The following LRIG1 variants were observed in gnomAD, a reference collection of about 807,000 sequenced individuals.
LRIG1 encodes the protein leucine rich repeats and immunoglobulin like domains 1.
Under a neutral mutation model 99.2 loss-of-function variants are expected in LRIG1, and 48 were observed. The observed-to-expected ratio is 0.48, with a 90% CI of 0.38 to 0.62. The LOEUF is 0.62. Among genes scored for constraint, LRIG1 ranks in the 20% least tolerant of loss-of-function variants. The pLI is 0.00. For synonymous variants in LRIG1, 772 were observed against 596.1 expected (o/e 1.29, Z -4.30); for missense variants, 1,646 against 1,434.4 (o/e 1.15, Z -2.38).
intron 1 of LRIG1, among the ~76,000 whole-genome samples, chr3:66,476,606 C>A (rs1700728003): frequency 6.6e-6 from 1 of 152,150 alleles, no homozygotes. Flanking sequence ...ATCTGCTGGC[C>A]TCTTCCTGCG....
intron 1 of LRIG1, among the ~76,000 whole-genome samples, chr3:66,488,759 G>A (rs959861409): frequency 6.6e-6 from 1 of 152,236 alleles, no homozygotes; most frequent in African/African-American, 2.4e-5. Context: ...AGAACAGGCA[G>A]TGCAGTGAGT....
At chr3:66,417,684 G>C (rs944780720) in intron 3 of LRIG1, 4 of 167,508 alleles carry the variant, frequency 2.4e-5, no homozygotes, top group Non-Finnish European at 5.2e-5. Context: ...AAGAGCCATA[G>C]GCACCACAGC....
chr3:66,399,141 A>C, intron 9 of LRIG1, 100 bp from the exon 10 acceptor site: 1 of 959,466 alleles, frequency 1.0e-6, no homozygotes, highest in Non-Finnish European at 1.6e-6. Context: ...CAATTAAGGT[A>C]GTGCTACCTG....
intron 2 of LRIG1, among the ~76,000 whole-genome samples, chr3:66,454,255 C>A (rs1401482784): frequency 1.3e-5 from 2 of 152,164 alleles, no homozygotes; most frequent in African/African-American, 4.8e-5. Flanking sequence ...TTCACTCTGT[C>A]CCCTGTTGAA....
In LRIG1 at chr3:66,500,955, G is replaced by T. The variant is rs762150625; in HGVS notation, c.-548C>A. 48 of 152,056 alleles carry T rather than the reference G, an allele frequency of 3.2e-4. No homozygotes were observed. The highest frequency in any genetic ancestry group is 2.9e-3 in the Admixed American group (44 of 15,272). 9.4% of individuals were successfully genotyped at this position (152,056 alleles called of 1,614,324 possible). A position where few individuals can be genotyped will look rare whatever the true frequency, so the allele number is the denominator to read the frequency against. ...AGCGCGCGCGCGCGCGCAGCCTCGG[G>T]TTCCGCACGGCTCCTCCGCGCAGCA... On this transcript the variant is annotated 5_prime_UTR_variant, in exon 1 of 19. Transcript: ENST00000273261.
chr3:66,388,291 G>A (rs935518667), intron 12 of LRIG1, among the ~76,000 whole-genome samples: 1 of 151,928 alleles, frequency 6.6e-6, no homozygotes, highest in Non-Finnish European at 1.5e-5. Flanking sequence ...CAGGGAACTT[G>A]AGACAGTCAA....
chr3:66,427,542 G>A (rs1703024270), intron 3 of LRIG1, among the ~76,000 whole-genome samples: 1 of 152,222 alleles, frequency 6.6e-6, no homozygotes, highest in South Asian at 2.1e-4. Flanking sequence ...ACTCTGGCCT[G>A]TAATCCCAAC....
chr3:66,489,001 T>A (rs1701038714), intron 1 of LRIG1, among the ~76,000 whole-genome samples: 1 of 152,164 alleles, frequency 6.6e-6, no homozygotes, highest in Non-Finnish European at 1.5e-5. Context: ...TTCTTAAAAT[T>A]CTAAATCAAA....
chr3:66,421,992 G>C (rs1333827297), intron 3 of LRIG1, among the ~76,000 whole-genome samples: 1 of 152,214 alleles, frequency 6.6e-6, no homozygotes, highest in African/African-American at 2.4e-5. Context: ...TGAAGCCATG[G>C]TCCGTGCTCT....
chr3:66,383,948 T>TCACTCACACA (rs1701235894), intron 14 of LRIG1, 43 bp downstream of exon 14: 5 of 1,521,570 alleles, frequency 3.3e-6, no homozygotes, highest in Admixed American at 1.8e-5. Context: ...TCTCTCTCGC[T>TCACTCACACA]CACACACACA....
chr3:66,457,690 T>C (rs1291274908), intron 2 of LRIG1, among the ~76,000 whole-genome samples: 1 of 152,222 alleles, frequency 6.6e-6, no homozygotes, highest in African/African-American at 2.4e-5. Context: ...GTAACTTGTC[T>C]AGGGTCTCAG....
Position 66,460,831 on chromosome 3 carries a change from G to T in LRIG1, c.290+1607C>A, listed in dbSNP as rs114060286. On this transcript the variant is annotated intron_variant, in intron 2 of 18. Coordinates refer to ENST00000273261, the MANE Select transcript of LRIG1 (RefSeq NM_015541.3). ...AGAGTCCTAGAGAAACCATTTCCAA[G>T]GCCCCTTCCTGTTCTGATGCTTCTT... 4.4e-3 allele frequency among the ~76,000 whole-genome samples: 676 copies of T among 152,308 alleles called. 4 individuals carry two copies. Among genetic ancestry groups the T allele is most frequent in the African/African-American group, 0.015 (640 of 41,572 alleles).
At chr3:66,464,107 T>G (rs1361201666) in intron 1 of LRIG1, among the ~76,000 whole-genome samples, 2 of 152,170 alleles carry the variant, frequency 1.3e-5, no homozygotes, top group Non-Finnish European at 2.9e-5. Flanking sequence ...TTCTCCCACA[T>G]TAGAAAAAGG....
chr3:66,385,947 T>C (rs1164676256), intron 13 of LRIG1, 34 bp downstream of exon 13: 2 of 1,580,170 alleles, frequency 1.3e-6, no homozygotes, highest in African/African-American at 2.7e-5. Context: ...CTTTGTAGGA[T>C]TCTGGTACTA....
chr3:66,466,732 G>A (rs1195661378), intron 1 of LRIG1, among the ~76,000 whole-genome samples: 3 of 152,096 alleles, frequency 2.0e-5, no homozygotes, highest in South Asian at 2.1e-4. Context: ...CTATGAACAC[G>A]ATCGCCCTGT....
chr3:66,419,914 C>T (rs1010590362), intron 3 of LRIG1, among the ~76,000 whole-genome samples: 3 of 152,130 alleles, frequency 2.0e-5, no homozygotes, highest in African/African-American at 7.2e-5. Flanking sequence ...ATAACCATGC[C>T]CATGGGCTAC....
chr3:66,391,784 T>A (rs1488786876), intron 12 of LRIG1, among the ~76,000 whole-genome samples: 1 of 152,212 alleles, frequency 6.6e-6, no homozygotes, highest in Non-Finnish European at 1.5e-5. Context: ...ATATTTCTTT[T>A]TAAAAGCAGC....
chr3:66,381,787 C>T (rs758666592), intron 16 of LRIG1, among the ~76,000 whole-genome samples, 156 bp from the exon 17 acceptor site: 1 of 152,192 alleles, frequency 6.6e-6, no homozygotes, highest in Non-Finnish European at 1.5e-5. Flanking sequence ...GTGTTTTCTG[C>T]TACTACTTCC....
At chr3:66,437,430 C>T (rs1256065423) in intron 3 of LRIG1, among the ~76,000 whole-genome samples, 2 of 152,244 alleles carry the variant, frequency 1.3e-5, no homozygotes, top group Non-Finnish European at 2.9e-5. Flanking sequence ...GCAGTTTCCA[C>T]TAATACTTTT....
Sources: allele counts gnomAD v4.1 joint callset (sites outside exome capture counted in the v4.1 genomes callset), GRCh38; gene constraint gnomAD v4.1.1; transcripts MANE v1.5; gene names NCBI Gene and HGNC (gene_info 2026-07-23, HGNC 2026-07-21).